The following INPP5A variants were observed in gnomAD, a reference collection of about 807,000 sequenced individuals.
INPP5A encodes the protein inositol polyphosphate-5-phosphatase A.
INPP5A carries 14 observed loss-of-function variants against 65.2 expected under a neutral mutation model. The ratio of observed to expected loss-of-function variants is 0.21; its 90% CI spans 0.14 to 0.34. The LOEUF (loss-of-function observed/expected upper bound fraction) is 0.34, where lower values mean the gene tolerates loss of function less well. Ranked by LOEUF, INPP5A falls within the 10% of genes least tolerant of loss-of-function variation. The probability of loss-of-function intolerance (pLI) is 1.00; values close to 1 mark genes in which losing one functional copy is unlikely to be tolerated. For missense variants in INPP5A, 431 were observed against 545.6 expected (o/e 0.79, Z 2.09); for synonymous variants, 207 against 208.3 (o/e 0.99, Z 0.05).
In INPP5A at chr10:132,644,040, G is replaced by A. The variant is rs1176781147; in HGVS notation, c.118-1828G>A. ...TCAAGACAGCTGGAACCAGACCACC[G>A]GAAACACTCAGACCACCGGCACCAA... On this transcript the variant is annotated intron_variant, in intron 2 of 15. Transcript: ENST00000368594. This position sits in a 1 kb window ranked among gnomAD's most constrained non-coding sequence, Gnocchi z 6.5. Among the ~76,000 whole-genome samples the A allele has an allele frequency of 6.6e-6, 1 of 151,998 alleles. No individual in the cohort carries two copies. Among genetic ancestry groups the A allele is most frequent in the Non-Finnish European group, 1.5e-5 (1 of 67,980 alleles).
In INPP5A at chr10:132,762,198, G is replaced by A. The variant is rs1846746525; in HGVS notation, c.904-3575G>A. On this transcript the variant is annotated intron_variant, in intron 11 of 15. Coordinates refer to ENST00000368594, the MANE Select transcript of INPP5A (RefSeq NM_005539.5). The surrounding 1 kb of genome is among the most constrained non-coding windows in gnomAD (Gnocchi z 4.6). The stretch of plus-strand genomic sequence containing the variant: ...GTGAGGGTCCACGAGGGGCACACTG[G>A]AGAGTCAATGGCTGGGCGTTTTCCA... Among the ~76,000 whole-genome samples the A allele has an allele frequency of 6.6e-6, 1 of 152,230 alleles. No homozygotes were observed. Among genetic ancestry groups the A allele is most frequent in the Non-Finnish European group, 1.5e-5 (1 of 68,042 alleles).
At position 132,546,608 on chromosome 10, in the gene INPP5A, C is replaced by T. The variant is rs973258897; in HGVS notation, c.75+8437C>T. ...CCTCGGCTGCTGGGGCAGCTTTCCC[C>T]GGCCCCTTCCCCGCCTCCTTCCCAC... On this transcript the variant is annotated intron_variant, in intron 1 of 15. Coordinates refer to ENST00000368594, the MANE Select transcript of INPP5A (RefSeq NM_005539.5). The surrounding 1 kb of genome is among the most constrained non-coding windows in gnomAD (Gnocchi z 5.7). Among the ~76,000 whole-genome samples the T allele has an allele frequency of 3.3e-5, 5 of 152,140 alleles. No homozygotes were observed. The highest frequency in any genetic ancestry group is 4.1e-4 in the South Asian group (2 of 4,828).
rs112597408 is a variant in INPP5A at position 132,666,623 on chromosome 10, C to T, written c.306+16118C>T. Among the ~76,000 whole-genome samples, 111 of 152,296 alleles carry T rather than the reference C, an allele frequency of 7.3e-4. 1 individual carries two copies. The highest frequency in any genetic ancestry group is 2.4e-3 in the African/African-American group (99 of 41,546). ...GGAGTGCAGCAGCATCTGGAATTGT[C>T]TGGGAAAACCCTGAAGGATGGCCCA... On this transcript the variant is annotated intron_variant, in intron 4 of 15. Coordinates refer to ENST00000368594, the MANE Select transcript of INPP5A (RefSeq NM_005539.5).
At chr10:132,592,836 G>A (rs1009656477) in intron 1 of INPP5A, among the ~76,000 whole-genome samples, 12 of 152,238 alleles carry the variant, frequency 7.9e-5, no homozygotes, top group African/African-American at 2.9e-4. Context: ...AATAACACCA[G>A]TTTGTTGTTT....
intron 9 of INPP5A, among the ~76,000 whole-genome samples, chr10:132,746,816 C>G (rs561819473): frequency 6.6e-6 from 1 of 152,350 alleles, no homozygotes; most frequent in South Asian, 2.1e-4. Context: ...GTAGGCGAGC[C>G]GGAAAGGCCC....
chr10:132,601,403 C>T (rs574525640), intron 1 of INPP5A, among the ~76,000 whole-genome samples: 7 of 152,292 alleles, frequency 4.6e-5, no homozygotes, highest in African/African-American at 7.2e-5. Context: ...AATATTAACC[C>T]GTTAGCAGAC....
chr10:132,589,249 G>A (rs1056087166), intron 1 of INPP5A, among the ~76,000 whole-genome samples: 6 of 152,232 alleles, frequency 3.9e-5, no homozygotes, highest in African/African-American at 1.2e-4. Context: ...CGCTGGGGTC[G>A]TTTGACAGGC....
intron 8 of INPP5A, among the ~76,000 whole-genome samples, chr10:132,724,124 TC>T (rs144020122): frequency 0.034 from 5,220 of 152,208 alleles, 287 homozygotes; most frequent in African/African-American, 0.12. Flanking sequence ...AAGAAGGACT[TC>T]CCTATAAAAA....
chr10:132,545,279 T>A lies in INPP5A; in HGVS notation c.75+7108T>A, dbSNP rs956948211. ...AGTTACAGAAATCCAGACCCAGGCC[T>A]GCCCCACCGTGAAGCATCAAATTTA... On this transcript the variant is annotated intron_variant, in intron 1 of 15. Coordinates refer to ENST00000368594, the MANE Select transcript of INPP5A (RefSeq NM_005539.5). This position sits in a 1 kb window ranked among gnomAD's most constrained non-coding sequence, Gnocchi z 4.6. 2.6e-5 allele frequency among the ~76,000 whole-genome samples: 4 copies of A among 152,084 alleles called. No individual in the cohort carries two copies. The highest frequency in any genetic ancestry group is 5.9e-5 in the Non-Finnish European group (4 of 67,998).
chr10:132,686,060 G>A (rs751927360), intron 4 of INPP5A, among the ~76,000 whole-genome samples: 8 of 152,246 alleles, frequency 5.3e-5, no homozygotes, highest in Admixed American at 3.3e-4. Context: ...TGGTGACTGG[G>A]AGCTTCAGTT....
chr10:132,765,975 G>C (rs968492228), intron 12 of INPP5A, 129 bp downstream of exon 12: 8 of 682,960 alleles, frequency 1.2e-5, no homozygotes, highest in African/African-American at 3.5e-5. Flanking sequence ...CATTCTGTGT[G>C]CATCCAGAGT....
rs1312339193 is a variant in INPP5A, at chr10:132,757,290, C to T, written c.903+7445C>T. ...CCGCTCACCCCCGCCCGCTCACCAG[C>T]TCACCCCGAGCCCGTCCCAGCCCTG... On this transcript the variant is annotated intron_variant, in intron 11 of 15. Coordinates refer to ENST00000368594, the MANE Select transcript of INPP5A (RefSeq NM_005539.5). Among the ~76,000 whole-genome samples, 3 of 152,262 alleles carry T rather than the reference C, an allele frequency of 2.0e-5. No homozygotes were observed. In the East Asian group the frequency reaches 5.8e-4, roughly 29 times the overall value.
At chr10:132,743,702 C>T (rs559782847) in intron 9 of INPP5A, among the ~76,000 whole-genome samples, 1 of 152,346 alleles carries the variant, frequency 6.6e-6, no homozygotes, top group South Asian at 2.1e-4. Flanking sequence ...GTTCACACCA[C>T]CCCAGCCAGC....
In INPP5A at chr10:132,676,097, A is replaced by G. The variant is rs2072961676; in HGVS notation, c.307-14295A>G. Among the ~76,000 whole-genome samples, 3 of 152,236 alleles carry G rather than the reference A, an allele frequency of 2.0e-5. No individual in the cohort carries two copies. Among genetic ancestry groups the G allele is most frequent in the African/African-American group, 4.8e-5 (2 of 41,454 alleles). Reference sequence around the variant, plus strand: ...CATTTATACGTAGAAAAATATAACAAATTTCATAATTAAAACTAGTTATTT... The same window carrying G: ...CATTTATACGTAGAAAAATATAACAGATTTCATAATTAAAACTAGTTATTT... On this transcript the variant is annotated intron_variant, in intron 4 of 15. Coordinates refer to ENST00000368594, the MANE Select transcript of INPP5A (RefSeq NM_005539.5). This position sits in a 1 kb window ranked among gnomAD's most constrained non-coding sequence, Gnocchi z 4.0.
chr10:132,729,206 G>C (rs551426532), intron 9 of INPP5A, among the ~76,000 whole-genome samples: 1 of 152,308 alleles, frequency 6.6e-6, no homozygotes, highest in South Asian at 2.1e-4. Flanking sequence ...CTGTGGGTGT[G>C]GCCGTAAGAG....
At chr10:132,760,677 CTG>C (rs1295180742) in intron 11 of INPP5A, among the ~76,000 whole-genome samples, 3 of 152,222 alleles carry the variant, frequency 2.0e-5, no homozygotes, top group Non-Finnish European at 4.4e-5. Flanking sequence ...TACGGGGTGA[CTG>C]TGGCGCAGCG....
At chr10:132,693,522 G>C (rs1845300616) in intron 5 of INPP5A, among the ~76,000 whole-genome samples, 1 of 152,156 alleles carries the variant, frequency 6.6e-6, no homozygotes. Context: ...TGGGCCAAAA[G>C]AAAGCTGGAG....
chr10:132,612,511 G>T (rs554518209), intron 2 of INPP5A, among the ~76,000 whole-genome samples: 1 of 152,120 alleles, frequency 6.6e-6, no homozygotes, highest in African/African-American at 2.4e-5. Context: ...GGGAGGCTGT[G>T]CAGGGGGCCT....
intron 8 of INPP5A, among the ~76,000 whole-genome samples, chr10:132,714,691 A>G (rs547276890): frequency 6.6e-6 from 1 of 151,758 alleles, no homozygotes; most frequent in East Asian, 1.9e-4. Flanking sequence ...GTTGCTCTAA[A>G]CCTAAACGCA....
Sources: gnomAD v4.1 joint callset for allele counts (sites outside exome capture counted in the v4.1 genomes callset) on GRCh38, gnomAD v4.1.1 for gene constraint, Gnocchi (gnomAD v3.1) non-coding constraint, MANE v1.5 for transcripts, NCBI Gene and HGNC (gene_info 2026-07-23, HGNC 2026-07-21) for gene names.